Variants in BCORL1 observed in about 807,000 individuals in gnomAD.
The protein encoded by BCORL1 is BCL-6 corepressor-like protein 1.
In BCORL1, 7 loss-of-function variants were observed where a neutral mutation model predicts 87.6. The observed-to-expected ratio is 0.08, with a 90% CI of 0.05 to 0.15. The LOEUF (loss-of-function observed/expected upper bound fraction) is 0.15. BCORL1 is among the 10% of genes least tolerant of loss of function. The pLI, the probability that BCORL1 is intolerant of heterozygous loss-of-function variation, is 1.00. For missense variants in BCORL1, 1,215 were observed against 1,499.7 expected (o/e 0.81, Z 3.13); for synonymous variants, 591 against 634.4 (o/e 0.93, Z 1.03).
At chrX:130,037,630 C>T (rs1248050859) in intron 10 of BCORL1, 97 bp downstream of exon 10, 15 of 1,012,263 alleles carry the variant, frequency 1.5e-5, no homozygotes, top group African/African-American at 5.8e-5. Context: ...TGGTGGCTCA[C>T]GCCTGTAATC....
intron 12 of BCORL1, 59 bp from the exon 13 acceptor site, chrX:130,051,801 C>G: frequency 5.6e-6 from 6 of 1,066,966 alleles, no homozygotes; most frequent in Non-Finnish European, 7.5e-6. Context: ...TAGCGCATTT[C>G]TTTTCTTCGG....
chrX:129,982,333 G>A (rs781022266), upstream of BCORL1, among the ~76,000 whole-genome samples: 118 of 111,346 alleles, frequency 1.1e-3, no homozygotes, highest in African/African-American at 3.7e-3. Context: ...TCCTCTCAGC[G>A]ATCCCCTCCT....
intron 11 of BCORL1, among the ~76,000 whole-genome samples, chrX:130,042,131 G>A (rs1198156133): frequency 3.6e-5 from 4 of 110,532 alleles, no homozygotes; most frequent in African/African-American, 9.9e-5. Context: ...CTCTGTCACC[G>A]AGGCTGGAGT....
intron 4 of BCORL1, among the ~76,000 whole-genome samples, chrX:130,017,436 A>G (rs1277012595): frequency 9.0e-6 from 1 of 110,988 alleles, no homozygotes; most frequent in Non-Finnish European, 1.9e-5. Flanking sequence ...TTGTGTTTTT[A>G]CATTTGTTAT....
At chrX:130,029,737 G>A (rs1451203790) in intron 8 of BCORL1, among the ~76,000 whole-genome samples, 1 of 107,607 alleles carries the variant, frequency 9.3e-6, no homozygotes, top group Non-Finnish European at 1.9e-5. Flanking sequence ...TGTAACCTCC[G>A]CCTCCTGGGT....
rs776093683 is a variant in BCORL1 at position 130,050,750 on chromosome X, G to C, written c.4874G>C (p.Gly1625Ala). 8.3e-7 allele frequency: 1 copy of C among 1,211,439 alleles called. No individual in the cohort carries two copies. The highest frequency in any genetic ancestry group is 2.2e-5 in the Admixed American group (1 of 46,003). The change falls in exon 12 of 14, where the codon GGT becomes GCT. Residue 1625 changes from glycine to alanine, a missense_variant. Around this residue, in one of 5 missense-constraint regions of BCORL1, gnomAD observed 129 missense variants for 157.5 expected, o/e 0.82. Coordinates refer to ENST00000540052, the MANE Select transcript of BCORL1 (RefSeq NM_001379451.1). ...HLSDLQGRAE[G>A]DPGVSWDFYS... ...TCGGATCTTCAGGGCCGGGCAGAGG[G>C]TGATCCCGGTGTATCCTGGGATTTT...
intron 1 of BCORL1, among the ~76,000 whole-genome samples, chrX:129,986,772 T>A (rs1055092990): frequency 9.0e-6 from 1 of 111,144 alleles, no homozygotes; most frequent in Admixed American, 9.6e-5. Context: ...TGTGCCAAGA[T>A]CGTGCCACTG....
At chrX:130,030,539 A>C (rs1930524159) in intron 8 of BCORL1, among the ~76,000 whole-genome samples, 1 of 110,104 alleles carries the variant, frequency 9.1e-6, no homozygotes, top group Non-Finnish European at 1.9e-5. Flanking sequence ...CTGCCTCTGG[A>C]GCCATGGCTC....
chrX:130,043,792 T>A (rs1445787346), intron 11 of BCORL1, among the ~76,000 whole-genome samples: 29 of 47,525 alleles, frequency 6.1e-4, no homozygotes, highest in Middle Eastern at 0.014. Flanking sequence ...ATATTTTTTT[T>A]TTTTTTTTTT....
intron 4 of BCORL1, among the ~76,000 whole-genome samples, chrX:130,017,112 C>T (rs751605692): frequency 4.5e-5 from 5 of 111,353 alleles, no homozygotes; most frequent in Admixed American, 9.6e-5. Context: ...GACCATAGAC[C>T]ATTTTGAAAA....
chrX:130,021,180 T>C, intron 5 of BCORL1, 30 bp downstream of exon 5: 2 of 1,182,639 alleles, frequency 1.7e-6, no homozygotes, highest in Non-Finnish European at 2.3e-6. Context: ...CCCTCTGGGC[T>C]GGGCTGCAGA....
chrX:130,013,396 C>T lies in BCORL1; in HGVS notation c.624C>T (p.Pro208=), dbSNP rs753094577. The T allele has an allele frequency of 1.3e-5, 16 of 1,209,274 alleles. No homozygotes were observed. Among genetic ancestry groups the T allele is most frequent in the East Asian group, 8.9e-5 (3 of 33,765 alleles). ...PLPAPICPPA[P]GSASVPHSVP... Reference sequence around the variant, plus strand: ...CAGCCCCTATCTGTCCCCCTGCTCCCGGTTCGGCCTCTGTGCCCCACTCTG... The same window carrying T: ...CAGCCCCTATCTGTCCCCCTGCTCCTGGTTCGGCCTCTGTGCCCCACTCTG... Residue 208 remains proline (P), a synonymous_variant, in exon 4 of 14, where the codon CCC becomes CCT. Transcript: ENST00000540052.
Position 130,025,180 on chromosome X carries a change from G to C in BCORL1, c.3879G>C (p.Arg1293Ser), listed in dbSNP as rs1171981283. The C allele has an allele frequency of 8.3e-7, 1 of 1,211,984 alleles. No individual in the cohort carries two copies. The highest frequency in any genetic ancestry group is 2.2e-5 in the Admixed American group (1 of 46,024). ...QDKSLLSQGR[R>S]HLWRAREMPW... is the part of the protein sequence containing the mutation. ...AGTCTCTGCTGAGCCAGGGCCGAAG[G>C]CACCTGTGGCGAGCCCGAGAAATGC... Residue 1293 changes from arginine to serine, a missense_variant, in exon 7 of 14, where the codon AGG (arginine) becomes AGC (serine). Physicochemically the swap from Arg to Ser is moderately radical, Grantham distance 110. Coordinates refer to ENST00000540052, the MANE Select transcript of BCORL1 (RefSeq NM_001379451.1).
intron 1 of BCORL1, among the ~76,000 whole-genome samples, chrX:129,984,613 A>G (rs915206144): frequency 1.8e-5 from 2 of 110,987 alleles, no homozygotes; most frequent in Non-Finnish European, 3.8e-5. Flanking sequence ...AGGCTGGGCC[A>G]GAGGGACGTC....
At chrX:130,004,226 G>A (rs1928289771) in intron 1 of BCORL1, among the ~76,000 whole-genome samples, 2 of 107,042 alleles carry the variant, frequency 1.9e-5, no homozygotes, top group Admixed American at 2.0e-4. Context: ...GAAGGGACAA[G>A]GACAGAAATG....
At chrX:130,004,457 C>T (rs957520812) in intron 1 of BCORL1, among the ~76,000 whole-genome samples, 1 of 110,775 alleles carries the variant, frequency 9.0e-6, no homozygotes, top group Non-Finnish European at 1.9e-5. Context: ...GTTGTCCAGG[C>T]TGGTCTCGAG....
chrX:129,992,062 C>T (rs1158146665), intron 1 of BCORL1, among the ~76,000 whole-genome samples: 2 of 110,086 alleles, frequency 1.8e-5, no homozygotes, highest in Admixed American at 9.8e-5. Flanking sequence ...TTCGACCTCC[C>T]GAGCTCAAGT....
At chrX:130,037,754 G>T (rs1931045382) in intron 10 of BCORL1, among the ~76,000 whole-genome samples, 1 of 111,523 alleles carries the variant, frequency 9.0e-6, no homozygotes, top group South Asian at 3.8e-4. Context: ...AGCCGGGTGT[G>T]GTGGCATGTG....
chrX:130,013,213 A>C lies in BCORL1; in HGVS notation c.441A>C (p.Gln147His). 8.3e-7 allele frequency: 1 copy of C among 1,211,827 alleles called. No homozygotes were observed. The highest frequency in any genetic ancestry group is 1.1e-6 in the Non-Finnish European group (1 of 895,539). Residue 147 changes from glutamine to histidine, a missense_variant, in exon 4 of 14, where the codon CAA (glutamine) becomes CAC (histidine). Physicochemically the swap from Gln to His is conservative, Grantham distance 24. This residue lies in a region of BCORL1 where 861 missense variants were observed against 1,010.0 expected (regional missense o/e 0.85). Transcript: ENST00000540052. ...ADCSWTPLNT[Q>H]MSKQVDCSPA... ...GCTCCTGGACTCCACTCAACACCCA[A>C]ATGAGCAAACAGGTTGACTGCTCAC...
Sources: allele counts gnomAD v4.1 joint callset (sites outside exome capture counted in the v4.1 genomes callset), GRCh38; gene constraint gnomAD v4.1.1; regional missense constraint gnomAD v4.1.1; transcripts MANE v1.5; gene names NCBI Gene and HGNC (gene_info 2026-07-23, HGNC 2026-07-21).